Variants in TMPO observed in about 807,000 individuals in gnomAD.
The protein encoded by TMPO is LEM domain containing 4.
A neutral mutation model predicts 45.4 loss-of-function variants in TMPO; 22 were observed. The ratio of observed to expected loss-of-function variants is 0.48; its 90% confidence interval spans 0.35 to 0.69. The LOEUF (loss-of-function observed/expected upper bound fraction) is 0.69. Ranked by LOEUF, TMPO falls within the 30% of genes least tolerant of loss-of-function variation. The pLI is 0.01. For missense variants in TMPO, 512 were observed against 548.8 expected (o/e 0.93, Z 0.67); for synonymous variants, 241 against 204.1 (o/e 1.18, Z -1.54).
rs1195609480 is a variant in TMPO at position 98,550,218 on chromosome 12, G to T, written c.*2360G>T. On this transcript the variant is annotated 3_prime_UTR_variant, in exon 9 of 9. Coordinates refer to ENST00000556029, the MANE Select transcript of TMPO (RefSeq NM_001032283.3). ...TCTGTTTTATTCCATTAGAATAAATGTGTCCTTGATGTAAATGCAAAGCAT... is the reference window on the plus strand; with the variant it reads ...TCTGTTTTATTCCATTAGAATAAATTTGTCCTTGATGTAAATGCAAAGCAT... 2 of 152,178 alleles carry T rather than the reference G, an allele frequency of 1.3e-5. No homozygotes were observed. The highest frequency in any genetic ancestry group is 4.8e-5 in the African/African-American group (2 of 41,440). The allele number at this position is 152,178 out of a possible 1,614,324, so 9.4% of individuals were successfully genotyped here. A position where few individuals can be genotyped will look rare whatever the true frequency, so the allele number is the denominator to read the frequency against.
intron 3 of TMPO, chr12:98,534,250 A>C: frequency 6.2e-7 from 1 of 1,613,866 alleles, no homozygotes; most frequent in Non-Finnish European, 8.5e-7. Context: ...TTTAGCTTCT[A>C]AGAATAAGCT....
intron 4 of TMPO, among the ~76,000 whole-genome samples, chr12:98,543,236 G>T (rs1246292323): frequency 1.3e-5 from 2 of 152,186 alleles, no homozygotes; most frequent in Non-Finnish European, 2.9e-5. Context: ...TGGCGTGAAA[G>T]CAAAAGTGAC....
At position 98,544,396 on chromosome 12, in the gene TMPO, G is replaced by A. The variant is rs764357903; in HGVS notation, c.784-46G>A. 11 of 1,612,936 alleles carry A rather than the reference G, an allele frequency of 6.8e-6. No homozygotes were observed. In the Admixed American group the frequency reaches 1.2e-4, roughly 17 times the overall value. ...GGGTTTTCAGATTTGTAGGGTTTTA[G>A]TATTATTTTATATTTATTGTTTTTG... On this transcript the variant is annotated intron_variant, in intron 5 of 8. Transcript: ENST00000556029.
rs1565812077 is a variant in TMPO at position 98,534,009 on chromosome 12, TCA to T, written c.565+2175_565+2176del. 8 of 1,607,666 alleles carry T rather than the reference TCA, an allele frequency of 5.0e-6. No homozygotes were observed. Among genetic ancestry groups the T allele is most frequent in the Admixed American group, 1.7e-5 (1 of 59,680 alleles). ...CAGCATCAGCATTGCAGATTGCAAC[TCA>T]CACTGCCTTTGTAGCTAAGGCTATG... is the stretch of plus-strand genomic sequence containing the variant. On this transcript the variant is annotated intron_variant, in intron 3 of 8. Coordinates refer to ENST00000556029, the MANE Select transcript of TMPO (RefSeq NM_001032283.3).
intron 1 of TMPO, among the ~76,000 whole-genome samples, chr12:98,524,410 GAAAGT>G (rs1242459157): frequency 1.3e-5 from 2 of 152,034 alleles, no homozygotes; most frequent in Non-Finnish European, 2.9e-5. Context: ...TGTCTCTACT[GAAAGT>G]ACAAAAATTA....
intron 1 of TMPO, among the ~76,000 whole-genome samples, chr12:98,516,815 T>A (rs1875875903): frequency 6.6e-6 from 1 of 152,220 alleles, no homozygotes; most frequent in African/African-American, 2.4e-5. Context: ...AGTTTTTATT[T>A]ATTTATTTTT....
chr12:98,520,310 T>TTCCTTCCTTCCTTCC (rs755914522), intron 1 of TMPO, among the ~76,000 whole-genome samples: 1,780 of 99,536 alleles, frequency 0.018, 60 homozygotes, highest in African/African-American at 0.062. Context: ...TCCTTCCTTC[T>TTCCTTCCTTCCTTCC]GTGTGTGTGA....
chr12:98,541,629 A>G (rs955455260), intron 4 of TMPO, among the ~76,000 whole-genome samples: 4 of 152,320 alleles, frequency 2.6e-5, no homozygotes, highest in East Asian at 1.9e-4. Context: ...TTTTTGTGTC[A>G]TACAGCCACC....
Position 98,527,869 on chromosome 12 carries a change from C to G in TMPO, c.280-17C>G, listed in dbSNP as rs748883848. On this transcript the variant is annotated splice_polypyrimidine_tract_variant and intron_variant, in intron 1 of 8. Transcript: ENST00000556029. ...ACTTTAATTCATATGGAAATGATTA[C>G]TGGACTTTGTTTACAGAAAGCCACA... The G allele has an allele frequency of 8.7e-6, 14 of 1,613,082 alleles. No individual in the cohort carries two copies. Among genetic ancestry groups the G allele is most frequent in the Non-Finnish European group, 1.2e-5 (14 of 1,179,600 alleles).
intron 1 of TMPO, among the ~76,000 whole-genome samples, chr12:98,518,409 A>C (rs1876056497): frequency 6.6e-6 from 1 of 150,528 alleles, no homozygotes; most frequent in Non-Finnish European, 1.5e-5. Flanking sequence ...CTCCTGCCTC[A>C]GCTTCCCTGA....
At chr12:98,526,343 G>C (rs529180579) in intron 1 of TMPO, among the ~76,000 whole-genome samples, 16 of 152,104 alleles carry the variant, frequency 1.1e-4, no homozygotes, top group Admixed American at 1.0e-3. Flanking sequence ...TCCAGGACCC[G>C]GCCATGGATA....
At chr12:98,528,434 G>A (rs926214949) in intron 2 of TMPO, among the ~76,000 whole-genome samples, 2 of 151,706 alleles carry the variant, frequency 1.3e-5, no homozygotes, top group South Asian at 2.1e-4. Context: ...CCGCTGCCAC[G>A]CCTGGCTAAT....
intron 1 of TMPO, among the ~76,000 whole-genome samples, chr12:98,520,309 C>CCTTCCTTCCTTCCG (rs1555202290): frequency 6.9e-6 from 1 of 145,020 alleles, no homozygotes; most frequent in Admixed American, 6.9e-5. Flanking sequence ...TTCCTTCCTT[C>CCTTCCTTCCTTCCG]TGTGTGTGTG....
intron 3 of TMPO, chr12:98,534,183 C>T (rs1592946885): frequency 6.2e-7 from 1 of 1,613,926 alleles, no homozygotes; most frequent in Non-Finnish European, 8.5e-7. Flanking sequence ...CTGCCCATAC[C>T]ATGGGAAATG....
chr12:98,537,764 G>A, intron 4 of TMPO, 192 bp downstream of exon 4: 3 of 651,008 alleles, frequency 4.6e-6, no homozygotes, highest in Admixed American at 4.9e-5. Context: ...TACAGCAAAA[G>A]CAAATTTTTA....
intron 6 of TMPO, 185 bp from the exon 7 acceptor site, chr12:98,544,766 G>C (rs1032957560): frequency 3.1e-6 from 2 of 653,490 alleles, no homozygotes; most frequent in African/African-American, 3.7e-5. Context: ...GATATTTTTT[G>C]TTAAAATATT....
intron 1 of TMPO, among the ~76,000 whole-genome samples, chr12:98,522,883 C>G (rs1876475336): frequency 6.6e-6 from 1 of 152,130 alleles, no homozygotes; most frequent in Non-Finnish European, 1.5e-5. Context: ...TGGAACACAA[C>G]TCAGTACGTA....
chr12:98,537,850 A>G, intron 4 of TMPO: 2 of 546,012 alleles, frequency 3.7e-6, no homozygotes, highest in South Asian at 5.7e-5. Flanking sequence ...GAAATATTTT[A>G]AAAGGTGGAA....
At chr12:98,526,650 C>T (rs979409036) in intron 1 of TMPO, among the ~76,000 whole-genome samples, 1 of 152,152 alleles carries the variant, frequency 6.6e-6, no homozygotes, top group African/African-American at 2.4e-5. Flanking sequence ...CTTAAGTTCT[C>T]ATATGCTGTT....
Sources: gnomAD v4.1 joint callset for allele counts (sites outside exome capture counted in the v4.1 genomes callset) on GRCh38, gnomAD v4.1.1 for gene constraint, MANE v1.5 for transcripts, NCBI Gene and HGNC (gene_info 2026-07-23, HGNC 2026-07-21) for gene names.